The following CLIP2 variants were observed in gnomAD, a reference collection of about 807,000 sequenced individuals.
CLIP2 encodes CAP-Gly domain-containing linker protein 2.
In CLIP2, 41 loss-of-function variants were observed where a neutral mutation model predicts 111.7. The observed-to-expected ratio is 0.37, with a 90% CI of 0.29 to 0.48. The LOEUF (loss-of-function observed/expected upper bound fraction) is 0.48. Among genes scored for constraint, CLIP2 ranks in the 20% least tolerant of loss-of-function variants. The pLI is 0.99. For missense variants in CLIP2, 1,160 were observed against 1,422.1 expected (o/e 0.82, Z 2.96); for synonymous variants, 660 against 644.2 (o/e 1.02, Z -0.37).
Position 74,376,145 on chromosome 7 carries a change from C to T in CLIP2, c.1744C>T (p.Arg582Cys), listed in dbSNP as rs1195365142. ...CTACCAGGCGGAGGTGGACAAGCTC[C>T]GCGCGGCCAACGAGAAGTACGCACA... Reference protein sequence around the residue: ...KAYQAEVDKLRAANEKYAQEV... With the variant: ...KAYQAEVDKLCAANEKYAQEV... Residue 582 changes from arginine (R) to cysteine (C), a missense_variant, in exon 10 of 17, where the codon CGC becomes TGC. Around this residue, in one of 5 missense-constraint regions of CLIP2, gnomAD observed 676 missense variants for 777.8 expected, o/e 0.87. Transcript: ENST00000223398. This position sits in a 1 kb window ranked among gnomAD's most constrained non-coding sequence, Gnocchi z 7.1. 8.1e-6 allele frequency: 13 copies of T among 1,609,420 alleles called. No individual in the cohort carries two copies. Among genetic ancestry groups the T allele is most frequent in the East Asian group, 4.5e-5 (2 of 44,838 alleles).
Position 74,372,976 on chromosome 7 carries a change from G to C in CLIP2, c.1425G>C (p.Gln475His), listed in dbSNP as rs1790676608. 3 of 1,562,896 alleles carry C rather than the reference G, an allele frequency of 1.9e-6. No individual in the cohort carries two copies. The highest frequency in any genetic ancestry group is 2.6e-6 in the Non-Finnish European group (3 of 1,153,618). ...LEHARIGELE[Q>H]SLLLEKAQAE... ...ACGCGCGCATTGGGGAGCTGGAACAGAGCCTGCTACTGGAGAAGGCGCAGG... is the reference window on the plus strand; with the variant it reads ...ACGCGCGCATTGGGGAGCTGGAACACAGCCTGCTACTGGAGAAGGCGCAGG... Residue 475 changes from glutamine (Q) to histidine (H), a missense_variant, in exon 9 of 17, where the codon CAG becomes CAC. Gln to His is a conservative substitution (Grantham distance 24). Around this residue, in one of 5 missense-constraint regions of CLIP2, gnomAD observed 676 missense variants for 777.8 expected, o/e 0.87. Coordinates refer to ENST00000223398, the MANE Select transcript of CLIP2 (RefSeq NM_003388.5).
intron 1 of CLIP2, among the ~76,000 whole-genome samples, chr7:74,309,962 G>A (rs566515627): frequency 2.1e-5 from 3 of 142,744 alleles, no homozygotes; most frequent in African/African-American, 7.7e-5. Flanking sequence ...ACTTTGGGAG[G>A]CTGAGGTGGG....
intron 8 of CLIP2, chr7:74,364,838 G>A (rs201016938): frequency 2.9e-5 from 13 of 454,312 alleles, no homozygotes; most frequent in Non-Finnish European, 4.9e-5. Flanking sequence ...CCTGGGCAAC[G>A]TAGCAAGATC....
At chr7:74,302,582 T>C (rs1788369895) in intron 1 of CLIP2, among the ~76,000 whole-genome samples, 1 of 152,170 alleles carries the variant, frequency 6.6e-6, no homozygotes, top group Non-Finnish European at 1.5e-5. Flanking sequence ...GCTTCTAGAC[T>C]CAACCCTTGC....
chr7:74,371,477 A>ACTT (rs1446706315), intron 8 of CLIP2, among the ~76,000 whole-genome samples: 1 of 142,956 alleles, frequency 7.0e-6, no homozygotes, highest in African/African-American at 2.6e-5. Context: ...AGACATGCTG[A>ACTT]CTTCTTGTTG....
At chr7:74,350,698 C>CTG (rs1789959205) in intron 3 of CLIP2, among the ~76,000 whole-genome samples, 1 of 151,884 alleles carries the variant, frequency 6.6e-6, no homozygotes, top group African/African-American at 2.4e-5. Context: ...GCTCTCATCT[C>CTG]TACTAGAAAA....
At chr7:74,387,245 C>T (rs1257752075) in intron 12 of CLIP2, among the ~76,000 whole-genome samples, 4 of 152,060 alleles carry the variant, frequency 2.6e-5, no homozygotes, top group East Asian at 3.9e-4. Flanking sequence ...CTCTCTCTCT[C>T]TCTCTTTTTG....
At chr7:74,358,791 A>G in intron 6 of CLIP2, among the ~76,000 whole-genome samples, 1 of 150,638 alleles carries the variant, frequency 6.6e-6, no homozygotes, top group East Asian at 2.0e-4. Context: ...GGCTGGTCTG[A>G]AACTCCTGGC....
rs532318594 is a variant in CLIP2, at chr7:74,357,908, C to T, written c.1215+431C>T. Among the ~76,000 whole-genome samples the T allele has an allele frequency of 1.1e-4, 17 of 149,484 alleles. No homozygotes were observed. In the South Asian group the frequency reaches 3.4e-3, roughly 30 times the overall value. On this transcript the variant is annotated intron_variant, in intron 6 of 16. Transcript: ENST00000223398. ...AGTAACTGGGATTACAGGCATGTGC[C>T]ACCATGCCCAGCTAATTTTTGTACT...
chr7:74,395,887 A>G (rs903238062), intron 13 of CLIP2, among the ~76,000 whole-genome samples: 1 of 152,192 alleles, frequency 6.6e-6, no homozygotes, highest in African/African-American at 2.4e-5. Context: ...TCTCAGTGCC[A>G]ACACCTTTGC....
At chr7:74,308,614 C>T (rs1554728059) in intron 1 of CLIP2, among the ~76,000 whole-genome samples, 1 of 152,094 alleles carries the variant, frequency 6.6e-6, no homozygotes, top group African/African-American at 2.4e-5. Flanking sequence ...AAGCGATTCT[C>T]CTGCCTCCAC....
At chr7:74,310,334 TG>T (rs1788610361) in intron 1 of CLIP2, among the ~76,000 whole-genome samples, 1 of 151,876 alleles carries the variant, frequency 6.6e-6, no homozygotes, top group South Asian at 2.1e-4. Flanking sequence ...AGACTAGCTT[TG>T]GCAACATAGT....
chr7:74,405,352 C>T lies in CLIP2; in HGVS notation c.*1504C>T, dbSNP rs1009943250. On this transcript the variant is annotated 3_prime_UTR_variant, in exon 17 of 17. Transcript: ENST00000223398. ...CATCAGTGGACCAGAGGGAGAAGCC[C>T]GATGCCCCATCCCGGCTTTCCCGTA... 2.0e-5 allele frequency: 3 copies of T among 152,336 alleles called. No homozygotes were observed. Among genetic ancestry groups the T allele is most frequent in the East Asian group, 1.9e-4 (1 of 5,160 alleles). The allele number at this position is 152,336 out of a possible 1,614,324, so 9.4% of individuals were successfully genotyped here. A position where few individuals can be genotyped will look rare whatever the true frequency, so the allele number is the denominator to read the frequency against.
chr7:74,303,604 T>G (rs1554727209), intron 1 of CLIP2, among the ~76,000 whole-genome samples: 3 of 151,000 alleles, frequency 2.0e-5, no homozygotes, highest in African/African-American at 7.3e-5. Flanking sequence ...ATTTTTTTTT[T>G]TTTTTTTTTT....
At chr7:74,335,734 TTTTC>T (rs1259844533) in intron 2 of CLIP2, among the ~76,000 whole-genome samples, 14 of 150,452 alleles carry the variant, frequency 9.3e-5, no homozygotes, top group Middle Eastern at 3.4e-3. Flanking sequence ...CCTTTCTTTC[TTTTC>T]TTTCTTTCTT....
chr7:74,327,259 C>A (rs1789139407), intron 2 of CLIP2, among the ~76,000 whole-genome samples: 2 of 152,258 alleles, frequency 1.3e-5, no homozygotes, highest in African/African-American at 4.8e-5. Context: ...TGTGCCACCA[C>A]ACTCAGCTAA....
chr7:74,320,140 G>A (rs1788904843), intron 2 of CLIP2, among the ~76,000 whole-genome samples: 1 of 142,918 alleles, frequency 7.0e-6, no homozygotes, highest in Admixed American at 7.4e-5. Flanking sequence ...AGTTTGCAGT[G>A]AACTGAGATT....
Position 74,401,569 on chromosome 7 carries a change from T to C in CLIP2, c.3129+2T>C, listed in dbSNP as rs1554317668. The stretch of plus-strand genomic sequence containing the variant: ...CAGGACAAAGCTCAGAAACAAGAGG[T>C]GAGGGGCGCCTCGGGCCTCCCAGGT... On this transcript the variant is annotated splice_donor_variant, in intron 16 of 16. Transcript: ENST00000223398. LOFTEE classifies it high-confidence loss of function. 10 of 1,613,664 alleles carry C rather than the reference T, an allele frequency of 6.2e-6. No homozygotes were observed. The highest frequency in any genetic ancestry group is 8.5e-6 in the Non-Finnish European group (10 of 1,179,878).
chr7:74,395,708 C>T (rs921658823), intron 13 of CLIP2, among the ~76,000 whole-genome samples: 1 of 152,200 alleles, frequency 6.6e-6, no homozygotes, highest in Non-Finnish European at 1.5e-5. Context: ...TGGGCTCCTC[C>T]ACACTCCTGC....
Sources: allele counts gnomAD v4.1 joint callset (sites outside exome capture counted in the v4.1 genomes callset), GRCh38; gene constraint gnomAD v4.1.1; regional missense constraint gnomAD v4.1.1; non-coding constraint Gnocchi (gnomAD v3.1); transcripts MANE v1.5; gene names NCBI Gene and HGNC (gene_info 2026-07-23, HGNC 2026-07-21).